MS4A4E: variants seen among roughly 807,000 people sequenced by gnomAD.
MS4A4E encodes putative membrane-spanning 4-domains subfamily A member 4E.
In MS4A4E, 23 loss-of-function variants were observed where a neutral mutation model predicts 13.3. That is an observed-to-expected ratio of 1.73 (90% CI 1.25 to 2.45). The LOEUF (loss-of-function observed/expected upper bound fraction) is 2.45, where lower values mean the gene tolerates loss of function less well. Among genes scored for constraint, MS4A4E ranks in the 30% most tolerant of loss-of-function variants. MS4A4E has a pLI of 0.00. For missense variants in MS4A4E, 144 were observed against 131.2 expected (o/e 1.10, Z -0.48); for synonymous variants, 36 against 45.6 (o/e 0.79, Z 0.85).
chr11:60,207,069 C>CT (rs1198756573), intron 6 of MS4A4E, among the ~76,000 whole-genome samples: 1 of 152,078 alleles, frequency 6.6e-6, no homozygotes, highest in African/African-American at 2.4e-5. Context: ...CCAGGTTGTT[C>CT]ATGCTGATGA....
In MS4A4E at chr11:60,200,495, A is replaced by T. The variant is rs2083973263; in HGVS notation, c.*1048T>A. Among the ~76,000 whole-genome samples, 1 of 152,100 alleles carries T rather than the reference A, an allele frequency of 6.6e-6. No homozygotes were observed. The highest frequency in any genetic ancestry group is 2.4e-5 in the African/African-American group (1 of 41,398). Reference sequence around the variant, plus strand: ...AGATTAGGGAGTGGTGATGACTCTTAACGAGCATGCTGCCTTCAAGCATCT... The same window carrying T: ...AGATTAGGGAGTGGTGATGACTCTTTACGAGCATGCTGCCTTCAAGCATCT... On this transcript the variant is annotated 3_prime_UTR_variant, in exon 9 of 9. Coordinates refer to ENST00000651255, the MANE Select transcript of MS4A4E (RefSeq NM_001393391.1).
At chr11:60,207,209 A>G (rs1590703937) in intron 6 of MS4A4E, among the ~76,000 whole-genome samples, 1 of 152,300 alleles carries the variant, frequency 6.6e-6, no homozygotes, top group East Asian at 1.9e-4. Flanking sequence ...ACTCAGTGCA[A>G]CATTCGATTG....
At chr11:60,223,238 A>G (rs1396329061) in intron 3 of MS4A4E, among the ~76,000 whole-genome samples, 2 of 152,198 alleles carry the variant, frequency 1.3e-5, no homozygotes, top group Admixed American at 6.5e-5. Context: ...ATACATTTGT[A>G]GTAAGAAAAT....
At chr11:60,227,068 T>C (rs973054876) in intron 3 of MS4A4E, among the ~76,000 whole-genome samples, 24 of 152,192 alleles carry the variant, frequency 1.6e-4, no homozygotes, top group Non-Finnish European at 3.4e-4. Flanking sequence ...TAGGTATTGG[T>C]ATTTGGTGTT....
chr11:60,229,192 G>T (rs1283125926), intron 2 of MS4A4E, among the ~76,000 whole-genome samples: 3 of 152,138 alleles, frequency 2.0e-5, no homozygotes, highest in Admixed American at 1.3e-4. Context: ...GCCTAAAACT[G>T]CTCTAAAACA....
At chr11:60,227,810 GA>G (rs2084362979) in intron 3 of MS4A4E, among the ~76,000 whole-genome samples, 1 of 151,846 alleles carries the variant, frequency 6.6e-6, no homozygotes, top group South Asian at 2.1e-4. Flanking sequence ...ATAGTCAAGT[GA>G]TCTTTGATAA....
chr11:60,241,601 C>A (rs1350969644), intron 1 of MS4A4E, among the ~76,000 whole-genome samples: 3 of 152,300 alleles, frequency 2.0e-5, no homozygotes, highest in Admixed American at 2.0e-4. Context: ...ACATTCTTGA[C>A]ATAAATTTAT....
At chr11:60,204,483 G>C (rs991957888) in intron 8 of MS4A4E, among the ~76,000 whole-genome samples, 1 of 152,192 alleles carries the variant, frequency 6.6e-6, no homozygotes, top group Non-Finnish European at 1.5e-5. Context: ...GTGAATGACT[G>C]ACACATTTCC....
chr11:60,227,991 C>T (rs2084364813), intron 3 of MS4A4E, among the ~76,000 whole-genome samples: 1 of 152,116 alleles, frequency 6.6e-6, no homozygotes, highest in South Asian at 2.1e-4. Context: ...AACTCTGAAA[C>T]TCTTAACAGA....
chr11:60,220,503 C>T (rs905540370), intron 3 of MS4A4E, among the ~76,000 whole-genome samples: 1 of 152,174 alleles, frequency 6.6e-6, no homozygotes, highest in African/African-American at 2.4e-5. Context: ...TGTGTCATGA[C>T]CTTGTTCAGG....
At chr11:60,231,839 G>A (rs1017023508) in intron 1 of MS4A4E, among the ~76,000 whole-genome samples, 1 of 152,156 alleles carries the variant, frequency 6.6e-6, no homozygotes, top group Non-Finnish European at 1.5e-5. Context: ...AAAGAAGGAA[G>A]TAGATATGCT....
rs2083989467 is a variant in MS4A4E, at chr11:60,201,511, C to G, written c.*32G>C. The G allele has an allele frequency of 1.5e-5, 4 of 263,436 alleles. No homozygotes were observed. The highest frequency in any genetic ancestry group is 3.0e-5 in the Non-Finnish European group (4 of 131,232). The allele number at this position is 263,436 out of a possible 1,614,324, so 16.3% of individuals were successfully genotyped here. A position where few individuals can be genotyped will look rare whatever the true frequency, so the allele number is the denominator to read the frequency against. ...GCAGAGGTGCTCCTCACATCCCAGA[C>G]AGGGCGGTGGGGCAAAGGCGCTCCC... On this transcript the variant is annotated 3_prime_UTR_variant, in exon 9 of 9. Coordinates refer to ENST00000651255, the MANE Select transcript of MS4A4E (RefSeq NM_001393391.1).
chr11:60,217,329 A>G (rs961087582), intron 3 of MS4A4E, among the ~76,000 whole-genome samples: 1 of 152,186 alleles, frequency 6.6e-6, no homozygotes, highest in Non-Finnish European at 1.5e-5. Flanking sequence ...TTGAAAAAGA[A>G]TGGGACCCTG....
At chr11:60,227,705 A>G (rs1341408105) in intron 3 of MS4A4E, among the ~76,000 whole-genome samples, 1 of 152,202 alleles carries the variant, frequency 6.6e-6, no homozygotes, top group African/African-American at 2.4e-5. Flanking sequence ...GACAAACTAT[A>G]AAGTGATAGT....
At chr11:60,204,592 T>A (rs921262062) in intron 8 of MS4A4E, among the ~76,000 whole-genome samples, 3 of 152,244 alleles carry the variant, frequency 2.0e-5, no homozygotes, top group African/African-American at 7.2e-5. Flanking sequence ...GAGGTAAGTT[T>A]GCTGCAATCA....
intron 3 of MS4A4E, among the ~76,000 whole-genome samples, chr11:60,223,213 C>T (rs1279076722): frequency 6.6e-6 from 1 of 152,176 alleles, no homozygotes; most frequent in African/African-American, 2.4e-5. Flanking sequence ...TTGTTAAGAA[C>T]ATGTTTGTGC....
At chr11:60,242,838 G>T (rs2084567521) in intron 1 of MS4A4E, 120 bp downstream of exon 1, 1 of 637,126 alleles carries the variant, frequency 1.6e-6, no homozygotes, top group Non-Finnish European at 2.6e-6. Context: ...CTGACTACCA[G>T]CTTGGGTCAT....
intron 8 of MS4A4E, among the ~76,000 whole-genome samples, 114 bp downstream of exon 8, chr11:60,204,776 A>G (rs1231229139): frequency 6.6e-6 from 1 of 152,206 alleles, no homozygotes; most frequent in Non-Finnish European, 1.5e-5. Context: ...ATGTATTCTC[A>G]CTGATGTCCC....
At chr11:60,218,415 T>A (rs2084224734) in intron 3 of MS4A4E, among the ~76,000 whole-genome samples, 1 of 152,120 alleles carries the variant, frequency 6.6e-6, no homozygotes, top group Non-Finnish European at 1.5e-5. Context: ...CTCCCTCCCT[T>A]TTTGAAACTC....
Sources: gnomAD v4.1 joint callset for allele counts (sites outside exome capture counted in the v4.1 genomes callset) on GRCh38, gnomAD v4.1.1 for gene constraint, MANE v1.5 for transcripts, NCBI Gene and HGNC (gene_info 2026-07-23, HGNC 2026-07-21) for gene names.